The following DGKB variants were observed in gnomAD, a reference collection of about 807,000 sequenced individuals.
The protein encoded by DGKB is 90 kDa diacylglycerol kinase.
In DGKB, 67 loss-of-function variants were observed where a neutral mutation model predicts 114.3. That is an observed-to-expected ratio of 0.59 (90% CI 0.48 to 0.72). The LOEUF (loss-of-function observed/expected upper bound fraction) is 0.72, where lower values mean the gene tolerates loss of function less well. DGKB is among the 30% of genes least tolerant of loss of function. DGKB has a pLI of 0.00. For synonymous variants in DGKB, 398 were observed against 323.1 expected, an observed-to-expected ratio of 1.23 and a Z score of -2.49; for missense variants, 907 against 975.2, an observed-to-expected ratio of 0.93 and a Z score of 0.93.
At chr7:14,657,902 C>A (rs1816186825) in intron 13 of DGKB, among the ~76,000 whole-genome samples, 1 of 151,862 alleles carries the variant, frequency 6.6e-6, no homozygotes, top group South Asian at 2.1e-4. Flanking sequence ...AGAAAGTTTC[C>A]ATACTACTGG....
chr7:14,747,716 A>G (rs1833507259), intron 4 of DGKB, among the ~76,000 whole-genome samples: 1 of 151,996 alleles, frequency 6.6e-6, no homozygotes, highest in African/African-American at 2.4e-5. Context: ...AAATTGGGTC[A>G]GACTTAACTG....
intron 21 of DGKB, among the ~76,000 whole-genome samples, chr7:14,453,681 G>C (rs1831860401): frequency 6.6e-6 from 1 of 152,102 alleles, no homozygotes; most frequent in South Asian, 2.1e-4. Context: ...TATCACAGGA[G>C]TAGTAAACTT....
chr7:14,576,910 TACA>T (rs1799209961), intron 19 of DGKB, among the ~76,000 whole-genome samples: 1 of 152,182 alleles, frequency 6.6e-6, no homozygotes, highest in South Asian at 2.1e-4. Flanking sequence ...TCTTGAGAAT[TACA>T]ACATCTGCAA....
At chr7:14,676,683 C>G (rs1249699776) in intron 12 of DGKB, among the ~76,000 whole-genome samples, 2 of 152,000 alleles carry the variant, frequency 1.3e-5, no homozygotes, top group African/African-American at 4.8e-5. Context: ...CTGGGTCCTT[C>G]TCAGTGTAAA....
rs373804497 is a variant in DGKB at position 14,841,134 on chromosome 7, A to C, written c.70+60T>G. Reference sequence around the variant, plus strand: ...GATCTATGATCCATTCTTATAAATAAATGATACTTTGTCTAGCACAAATGT... The same window carrying C: ...GATCTATGATCCATTCTTATAAATACATGATACTTTGTCTAGCACAAATGT... On this transcript the variant is annotated intron_variant, in intron 2 of 25. Coordinates refer to ENST00000402815, the MANE Select transcript of DGKB (RefSeq NM_001350709.2). The C allele has an allele frequency of 2.1e-6, 3 of 1,401,326 alleles. No homozygotes were observed. The African/African-American group carries it at 4.3e-5, about 20-fold the overall frequency. The allele number at this position is 1,401,326 out of a possible 1,614,324, so 86.8% of individuals were successfully genotyped here. A position where few individuals can be genotyped will look rare whatever the true frequency, so the allele number is the denominator to read the frequency against.
chr7:14,494,480 A>G (rs189492164), intron 20 of DGKB, among the ~76,000 whole-genome samples: 2 of 152,074 alleles, frequency 1.3e-5, no homozygotes, highest in East Asian at 1.9e-4. Context: ...CTTTGCAAAT[A>G]TAAGAATACA....
At chr7:14,968,163 G>T (rs940821887) in intron 1 of DGKB, among the ~76,000 whole-genome samples, 2 of 150,260 alleles carry the variant, frequency 1.3e-5, no homozygotes, top group African/African-American at 4.9e-5. Flanking sequence ...CTTTGTTCTT[G>T]TCTTTTTTTT....
At chr7:14,336,441 GCTCATAGAATGA>G (rs1458591315) in intron 23 of DGKB, among the ~76,000 whole-genome samples, 7 of 152,176 alleles carry the variant, frequency 4.6e-5, no homozygotes, top group Non-Finnish European at 7.4e-5. Context: ...TTCTGTTTTT[GCTCATAGAATGA>G]CCTTTGAAAC....
At chr7:14,659,825 A>G (rs1816662810) in intron 13 of DGKB, among the ~76,000 whole-genome samples, 1 of 151,520 alleles carries the variant, frequency 6.6e-6, no homozygotes, top group South Asian at 2.1e-4. Flanking sequence ...TTCAAAGGGA[A>G]TGCTTCCAGT....
intron 1 of DGKB, among the ~76,000 whole-genome samples, chr7:14,949,526 G>A (rs556588339): frequency 1.3e-5 from 2 of 151,822 alleles, no homozygotes; most frequent in African/African-American, 2.4e-5. Context: ...ATCTCACTAA[G>A]GAAATCAATA....
chr7:14,828,622 T>C (rs1846014871), intron 2 of DGKB, among the ~76,000 whole-genome samples: 2 of 152,028 alleles, frequency 1.3e-5, no homozygotes, highest in East Asian at 3.9e-4. Context: ...CTTCCTAGAG[T>C]TGGACAAAAT....
intron 2 of DGKB, among the ~76,000 whole-genome samples, chr7:14,763,284 TC>T (rs1221090439): frequency 6.6e-6 from 1 of 152,072 alleles, no homozygotes; most frequent in East Asian, 1.9e-4. Context: ...TTGTAACTCA[TC>T]CTCCATGGGA....
At position 14,946,869 on chromosome 7, in the gene DGKB, T is replaced by A. The variant is rs969476951; in HGVS notation, c.-188+27827A>T. ...ATCTATTTTTATATTATATTTGACA[T>A]TGTATAATCCAACAAATCATCAAAC... On this transcript the variant is annotated intron_variant, in intron 1 of 4. Coordinates refer to the DGKB transcript ENST00000437998. Among the ~76,000 whole-genome samples the A allele has an allele frequency of 3.3e-5, 5 of 151,798 alleles. No individual in the cohort carries two copies. The East Asian group carries it at 9.6e-4, about 29-fold the overall frequency.
intron 2 of DGKB, among the ~76,000 whole-genome samples, chr7:14,772,367 G>T (rs1396352394): frequency 6.6e-6 from 1 of 152,098 alleles, no homozygotes; most frequent in East Asian, 1.9e-4. Flanking sequence ...AAAAGAACTG[G>T]TTCTACAGTT....
At chr7:14,428,105 A>G (rs1827859856) in intron 21 of DGKB, among the ~76,000 whole-genome samples, 1 of 152,112 alleles carries the variant, frequency 6.6e-6, no homozygotes, top group African/African-American at 2.4e-5. Flanking sequence ...CAGAAATAAT[A>G]GGCAATTATT....
chr7:14,259,073 T>TA lies in DGKB; in HGVS notation c.2122+79441dup, dbSNP rs932758234. 1.5e-4 allele frequency among the ~76,000 whole-genome samples: 23 copies of TA among 151,872 alleles called. No individual in the cohort carries two copies. In the Middle Eastern group the frequency reaches 0.01, roughly 68 times the overall value. Reference sequence around the variant, plus strand: ...GTAACTTTCCTTGTTGAACATGGTTTAAAAAAAAGCCTTGAACACTCATCT... The same window carrying TA: ...GTAACTTTCCTTGTTGAACATGGTTTAAAAAAAAAGCCTTGAACACTCATCT... On this transcript the variant is annotated intron_variant, in intron 23 of 25. Transcript: ENST00000402815.
At chr7:14,399,443 G>C (rs1433394933) in intron 21 of DGKB, among the ~76,000 whole-genome samples, 3 of 151,336 alleles carry the variant, frequency 2.0e-5, no homozygotes, top group Non-Finnish European at 3.0e-5. Flanking sequence ...TTTGATATTA[G>C]TTAAATTTAG....
At chr7:14,636,804 A>G (rs894072531) in intron 13 of DGKB, among the ~76,000 whole-genome samples, 1 of 151,904 alleles carries the variant, frequency 6.6e-6, no homozygotes, top group Non-Finnish European at 1.5e-5. Flanking sequence ...GGAGACAACA[A>G]TTCGAAAAGC....
At chr7:14,726,820 A>C (rs1446484591) in intron 5 of DGKB, among the ~76,000 whole-genome samples, 1 of 152,254 alleles carries the variant, frequency 6.6e-6, no homozygotes, top group Non-Finnish European at 1.5e-5. Context: ...AATCATAAAC[A>C]CAATAAATAT....
Sources: gnomAD v4.1 joint callset for allele counts (sites outside exome capture counted in the v4.1 genomes callset) on GRCh38, gnomAD v4.1.1 for gene constraint, MANE v1.5 for transcripts, NCBI Gene and HGNC (gene_info 2026-07-23, HGNC 2026-07-21) for gene names.